The following RPS6KC1 variants were observed in gnomAD, a reference collection of about 807,000 sequenced individuals.
The protein encoded by RPS6KC1 is inactive ribosomal protein S6 kinase delta-1.
A neutral mutation model predicts 103.8 loss-of-function variants in RPS6KC1; 54 were observed. That is an observed-to-expected ratio of 0.52 (90% CI 0.42 to 0.65). The LOEUF is 0.65. RPS6KC1 is among the 30% of genes least tolerant of loss of function. RPS6KC1 has a pLI of 0.00. For missense variants in RPS6KC1, 1,151 were observed against 1,253.8 expected (o/e 0.92, Z 1.24); for synonymous variants, 439 against 438.7 (o/e 1.00, Z -0.01).
At chr1:213,173,087 A>G (rs899781844) in intron 7 of RPS6KC1, among the ~76,000 whole-genome samples, 1 of 152,222 alleles carries the variant, frequency 6.6e-6, no homozygotes. Flanking sequence ...ATCTAAAAAA[A>G]AAAGTTGGAC....
the RPS6KC1 span, among the ~76,000 whole-genome samples, chr1:213,536,069 G>A: frequency 6.6e-6 from 1 of 151,580 alleles, no homozygotes; most frequent in Non-Finnish European, 1.5e-5. Flanking sequence ...TTTTTTTCCA[G>A]TCTGTGTTTT....
At chr1:213,407,607 A>G in the RPS6KC1 span, among the ~76,000 whole-genome samples, 1 of 152,186 alleles carries the variant, frequency 6.6e-6, no homozygotes, top group Non-Finnish European at 1.5e-5. Context: ...CCCTTTGATT[A>G]TTTGACTACT....
At chr1:213,613,618 G>C in the RPS6KC1 span, among the ~76,000 whole-genome samples, 1 of 152,162 alleles carries the variant, frequency 6.6e-6, no homozygotes, top group African/African-American at 2.4e-5. Flanking sequence ...CCTTTCTTAA[G>C]CTTCTCTAAT....
At chr1:213,173,478 A>G (rs2091637003) in intron 7 of RPS6KC1, among the ~76,000 whole-genome samples, 1 of 152,212 alleles carries the variant, frequency 6.6e-6, no homozygotes, top group Non-Finnish European at 1.5e-5. Flanking sequence ...TCGGCATTCA[A>G]GGCCTGTGAA....
At chr1:213,274,990 C>T (rs1454389268), downstream of RPS6KC1, among the ~76,000 whole-genome samples, 1 of 152,162 alleles carries the variant, frequency 6.6e-6, no homozygotes, top group Non-Finnish European at 1.5e-5. Flanking sequence ...TCCTAGCAAC[C>T]ACTATTCCAC....
At chr1:213,726,334 C>T in the RPS6KC1 span, among the ~76,000 whole-genome samples, 1 of 152,200 alleles carries the variant, frequency 6.6e-6, no homozygotes, top group South Asian at 2.1e-4. Context: ...CTTGGCCTCA[C>T]AAAGTGCTAG....
the RPS6KC1 span, among the ~76,000 whole-genome samples, chr1:213,779,213 C>A: frequency 2.6e-5 from 4 of 152,304 alleles, no homozygotes; most frequent in African/African-American, 9.6e-5. Flanking sequence ...TTAAATCAGA[C>A]TCATTATGCC....
chr1:213,582,916 G>A, the RPS6KC1 span, among the ~76,000 whole-genome samples: 232 of 152,230 alleles, frequency 1.5e-3, 1 homozygote, highest in African/African-American at 5.2e-3. Flanking sequence ...CTAGCAGTCA[G>A]TTCCCCTCAC....
chr1:213,416,870 T>G, the RPS6KC1 span, among the ~76,000 whole-genome samples: 1 of 152,076 alleles, frequency 6.6e-6, no homozygotes. Flanking sequence ...GGTTTGAGCC[T>G]CTCCTCTCCT....
the RPS6KC1 span, among the ~76,000 whole-genome samples, chr1:213,647,365 C>T: frequency 6.6e-6 from 1 of 152,162 alleles, no homozygotes; most frequent in Non-Finnish European, 1.5e-5. Flanking sequence ...ATTTGTTTTT[C>T]ACTCCTATAA....
chr1:213,713,711 G>A, the RPS6KC1 span, among the ~76,000 whole-genome samples: 2 of 152,170 alleles, frequency 1.3e-5, no homozygotes, highest in Admixed American at 6.5e-5. Context: ...GAAAATGTAT[G>A]TTTTATGTGA....
the RPS6KC1 span, among the ~76,000 whole-genome samples, chr1:213,310,053 A>G: frequency 6.6e-6 from 1 of 151,990 alleles, no homozygotes; most frequent in Admixed American, 6.5e-5. Flanking sequence ...TTCAATGTAT[A>G]CCTGGATCTG....
At chr1:213,139,558 AT>A (rs2086777489) in intron 6 of RPS6KC1, among the ~76,000 whole-genome samples, 1 of 152,048 alleles carries the variant, frequency 6.6e-6, no homozygotes, top group Non-Finnish European at 1.5e-5. Flanking sequence ...TCTTTTGCAT[AT>A]GGTAGCCAGT....
chr1:213,097,320 C>G (rs541567168), intron 3 of RPS6KC1, among the ~76,000 whole-genome samples: 2 of 147,706 alleles, frequency 1.4e-5, no homozygotes, highest in African/African-American at 4.8e-5. Flanking sequence ...CGCCACTGCA[C>G]TCCAGCCTGG....
rs965501231 is a variant in RPS6KC1 at position 213,094,506 on chromosome 1, G to A, written c.263-9948G>A. The stretch of plus-strand genomic sequence containing the variant: ...CATTTTTAAAGAACGTAGAACAGTA[G>A]TTTTGCCAGTTTCACAAGCTATATC... On this transcript the variant is annotated intron_variant, in intron 3 of 14. Transcript: ENST00000366960. Among the ~76,000 whole-genome samples, 3 of 151,806 alleles carry A rather than the reference G, an allele frequency of 2.0e-5. No homozygotes were observed. In the East Asian group the frequency reaches 5.8e-4, roughly 29 times the overall value.
intron 3 of RPS6KC1, among the ~76,000 whole-genome samples, chr1:213,092,393 C>T (rs138154997): frequency 1.0e-3 from 154 of 152,210 alleles, no homozygotes; most frequent in Non-Finnish European, 1.8e-3. Flanking sequence ...TTGTATGGGC[C>T]GGGCCCGGTG....
the RPS6KC1 span, among the ~76,000 whole-genome samples, chr1:213,753,029 G>A: frequency 6.6e-6 from 1 of 152,164 alleles, no homozygotes; most frequent in Non-Finnish European, 1.5e-5. Context: ...AGATGTGCAA[G>A]GGGACATTTC....
At chr1:213,602,181 T>TCTTTCTTTCTTTC in the RPS6KC1 span, among the ~76,000 whole-genome samples, 49 of 112,186 alleles carry the variant, frequency 4.4e-4, 3 homozygotes, top group African/African-American at 1.8e-3. Flanking sequence ...TTTCTTTCTT[T>TCTTTCTTTCTTTC]CTTTCTTTTT....
chr1:213,803,046 A>G, the RPS6KC1 span, among the ~76,000 whole-genome samples: 1 of 151,870 alleles, frequency 6.6e-6, no homozygotes, highest in Admixed American at 6.6e-5. Context: ...CTCACAATAA[A>G]CTTATGAGGC....
Sources: gnomAD v4.1 joint callset for allele counts (sites outside exome capture counted in the v4.1 genomes callset) on GRCh38, gnomAD v4.1.1 for gene constraint, MANE v1.5 for transcripts, NCBI Gene and HGNC (gene_info 2026-07-23, HGNC 2026-07-21) for gene names.